GRIK1: variants seen among roughly 807,000 people sequenced by gnomAD.
GRIK1 encodes the protein glutamate receptor ionotropic, kainate 1.
In GRIK1, 69 loss-of-function variants were observed where a neutral mutation model predicts 105.7. The observed-to-expected ratio is 0.65, with a 90% confidence interval of 0.54 to 0.80. The LOEUF (loss-of-function observed/expected upper bound fraction) is 0.80. GRIK1 is among the 30% of genes least tolerant of loss of function. The pLI is 0.00. For synonymous variants in GRIK1, 438 were observed against 431.3 expected (o/e 1.02, Z -0.19); for missense variants, 1,109 against 1,167.3 (o/e 0.95, Z 0.73).
chr21:29,670,392 T>C (rs1205586848), intron 4 of GRIK1, among the ~76,000 whole-genome samples: 1 of 152,234 alleles, frequency 6.6e-6, no homozygotes, highest in Non-Finnish European at 1.5e-5. Flanking sequence ...CATTCTTGGA[T>C]ATTTTGCTTT....
chr21:29,898,086 T>C (rs989518936), intron 1 of GRIK1, among the ~76,000 whole-genome samples: 4 of 152,230 alleles, frequency 2.6e-5, no homozygotes, highest in African/African-American at 4.8e-5. Flanking sequence ...CTACCACTCA[T>C]ACATGTTCTA....
intron 1 of GRIK1, among the ~76,000 whole-genome samples, chr21:29,804,266 A>G (rs2066794547): frequency 6.6e-6 from 1 of 152,144 alleles, no homozygotes; most frequent in Non-Finnish European, 1.5e-5. Context: ...TTTTTAAGCC[A>G]AATTTTCATC....
intron 16 of GRIK1, among the ~76,000 whole-genome samples, chr21:29,547,818 T>G (rs1339666861): frequency 6.6e-6 from 1 of 152,236 alleles, no homozygotes; most frequent in African/African-American, 2.4e-5. Context: ...AATCACTTGC[T>G]AAATAAGTTG....
rs75418159 is a variant in GRIK1 at position 29,569,487 on chromosome 21, G to A, written c.2130+7477C>T. ...GTAGAACCCAGGCTCTCTGGGTCCAGATCTCCAACAAAAACACTTTCCTGT... is the reference window on the plus strand; with the variant it reads ...GTAGAACCCAGGCTCTCTGGGTCCAAATCTCCAACAAAAACACTTTCCTGT... On this transcript the variant is annotated intron_variant, in intron 14 of 17. Transcript: ENST00000327783. Among the ~76,000 whole-genome samples the A allele has an allele frequency of 1.0e-3, 156 of 152,240 alleles. 2 individuals carry two copies. In the East Asian group the frequency reaches 0.023, roughly 22 times the overall value.
intron 1 of GRIK1, among the ~76,000 whole-genome samples, chr21:29,834,361 T>C (rs2067722167): frequency 6.7e-6 from 1 of 149,572 alleles, no homozygotes; most frequent in South Asian, 2.1e-4. Context: ...ATATATTATA[T>C]ATGTAAAATG....
intron 1 of GRIK1, among the ~76,000 whole-genome samples, chr21:29,812,806 C>G (rs2067046642): frequency 1.3e-5 from 2 of 152,122 alleles, no homozygotes; most frequent in South Asian, 4.1e-4. Flanking sequence ...AAAAGGTCTG[C>G]CTAGATCAGT....
At chr21:29,789,654 T>G (rs2145814412) in intron 1 of GRIK1, among the ~76,000 whole-genome samples, 1 of 152,320 alleles carries the variant, frequency 6.6e-6, no homozygotes, top group Admixed American at 6.5e-5. Context: ...GCAGTAACCC[T>G]GTTATTGCAA....
chr21:29,919,546 G>A (rs2071121678), intron 1 of GRIK1, among the ~76,000 whole-genome samples: 1 of 152,084 alleles, frequency 6.6e-6, no homozygotes, highest in South Asian at 2.1e-4. Context: ...TTGGGAATAT[G>A]AGAAACATAT....
intron 1 of GRIK1, among the ~76,000 whole-genome samples, chr21:29,780,929 T>C (rs1039736480): frequency 6.6e-6 from 1 of 152,162 alleles, no homozygotes; most frequent in Non-Finnish European, 1.5e-5. Context: ...GGATGATTTA[T>C]TTCCACCCAC....
chr21:29,610,577 C>T (rs966637050), intron 7 of GRIK1, among the ~76,000 whole-genome samples: 4 of 152,114 alleles, frequency 2.6e-5, no homozygotes, highest in African/African-American at 7.2e-5. Flanking sequence ...ATCCCTGGAC[C>T]TTGTGAAAGG....
At chr21:29,707,312 G>C (rs1601499840) in intron 1 of GRIK1, among the ~76,000 whole-genome samples, 1 of 152,058 alleles carries the variant, frequency 6.6e-6, no homozygotes, top group East Asian at 1.9e-4. Flanking sequence ...CCATAACACT[G>C]TGAAACAATC....
rs761334857 is a variant in GRIK1, at chr21:29,689,858, G to A, written c.414C>T (p.Pro138=). The A allele has an allele frequency of 6.2e-7, 1 of 1,613,968 alleles. No individual in the cohort carries two copies. Among genetic ancestry groups the A allele is most frequent in the Admixed American group, 1.7e-5 (1 of 60,004 alleles). ...AAAACAAATCTTTGTTGTCCACCGA[G>A]GGGTGTTTCCAGCGGGTCTGTATGT... ...VPHIQTRWKH[P]SVDNKDLFYI... The change falls in exon 3 of 18, where the codon CCC becomes CCT. Residue 138 remains proline (P), a synonymous_variant. Coordinates refer to ENST00000327783, the MANE Select transcript of GRIK1 (RefSeq NM_001330994.2).
At chr21:29,847,681 T>C (rs1162770654) in intron 1 of GRIK1, among the ~76,000 whole-genome samples, 1 of 151,530 alleles carries the variant, frequency 6.6e-6, no homozygotes, top group East Asian at 1.9e-4. Context: ...TTTGTTGCAA[T>C]GGCTGGTTGT....
intron 1 of GRIK1, among the ~76,000 whole-genome samples, chr21:29,750,078 T>A (rs1272694573): frequency 1.3e-5 from 2 of 152,156 alleles, no homozygotes; most frequent in Non-Finnish European, 2.9e-5. Flanking sequence ...TTTTTAATGA[T>A]GGCATTTCAT....
At chr21:29,839,059 C>CT (rs1555896811) in intron 1 of GRIK1, among the ~76,000 whole-genome samples, 6 of 151,554 alleles carry the variant, frequency 4.0e-5, no homozygotes, top group African/African-American at 1.5e-4. Flanking sequence ...CTTTTCTTTT[C>CT]TTTTTTTTGA....
chr21:29,540,097 GAC>G (rs938805093), intron 16 of GRIK1, among the ~76,000 whole-genome samples: 5 of 152,112 alleles, frequency 3.3e-5, no homozygotes, highest in African/African-American at 1.2e-4. Flanking sequence ...ACTGTGACTT[GAC>G]ACACACAGAG....
intron 14 of GRIK1, among the ~76,000 whole-genome samples, chr21:29,571,667 A>G (rs2248989): frequency 0.63 from 96,261 of 151,986 alleles, 32,020 homozygotes; most frequent in Middle Eastern, 0.79. Flanking sequence ...GCATTCGAGT[A>G]TTTTGTTTGA....
intron 1 of GRIK1, among the ~76,000 whole-genome samples, chr21:29,867,847 G>A (rs58226774): frequency 0.018 from 1,643 of 91,430 alleles, 35 homozygotes; most frequent in African/African-American, 0.043. Flanking sequence ...AAAGAAGGAA[G>A]GAAAGAGAGA....
chr21:29,560,286 T>A (rs1225945579), intron 15 of GRIK1, among the ~76,000 whole-genome samples: 2 of 59,022 alleles, frequency 3.4e-5, no homozygotes, highest in African/African-American at 1.6e-4. Context: ...CAGTTTTCTT[T>A]CTTTCTTTCT....
Sources: gnomAD v4.1 joint callset for allele counts (sites outside exome capture counted in the v4.1 genomes callset) on GRCh38, gnomAD v4.1.1 for gene constraint, MANE v1.5 for transcripts, NCBI Gene and HGNC (gene_info 2026-07-23, HGNC 2026-07-21) for gene names.